SMAP1: variants seen among roughly 807,000 people sequenced by gnomAD.
SMAP1 encodes stromal membrane-associated protein 1.
SMAP1 carries 24 observed loss-of-function variants against 58.5 expected under a neutral mutation model. The observed-to-expected ratio is 0.41, with a 90% CI of 0.30 to 0.58. The LOEUF (loss-of-function observed/expected upper bound fraction) is 0.58, where lower values mean the gene tolerates loss of function less well. Among genes scored for constraint, SMAP1 ranks in the 20% least tolerant of loss-of-function variants. SMAP1 has a pLI of 0.29. For missense variants in SMAP1, 563 were observed against 566.3 expected, an observed-to-expected ratio of 0.99 and a Z score of 0.06; for synonymous variants, 216 against 196.6, an observed-to-expected ratio of 1.10 and a Z score of -0.82.
chr6:70,716,207 A>G (rs1278613611), intron 1 of SMAP1, among the ~76,000 whole-genome samples: 1 of 152,092 alleles, frequency 6.6e-6, no homozygotes, highest in African/African-American at 2.4e-5. Flanking sequence ...CTTTATTTCT[A>G]TTATTATTAT....
intron 6 of SMAP1, among the ~76,000 whole-genome samples, chr6:70,799,560 C>T (rs1319443017): frequency 6.6e-6 from 1 of 152,024 alleles, no homozygotes; most frequent in Non-Finnish European, 1.5e-5. Context: ...AGGGAGCATC[C>T]TTGATTTTAG....
chr6:70,789,592 C>T (rs1482612360), intron 4 of SMAP1, among the ~76,000 whole-genome samples: 9 of 135,660 alleles, frequency 6.6e-5, no homozygotes, highest in Non-Finnish European at 7.9e-5. Context: ...TTTCTTTTTT[C>T]TTTTTTTTTT....
At chr6:70,763,867 C>CA (rs1256577558) in intron 3 of SMAP1, among the ~76,000 whole-genome samples, 1 of 152,108 alleles carries the variant, frequency 6.6e-6, no homozygotes, top group Non-Finnish European at 1.5e-5. Context: ...GAGGAAGCCT[C>CA]AGATGAAAAG....
rs528056742 is a variant in SMAP1 at position 70,691,489 on chromosome 6, G to T, written c.118+23348G>T. Among the ~76,000 whole-genome samples, 32 of 152,102 alleles carry T rather than the reference G, an allele frequency of 2.1e-4. No homozygotes were observed. In the South Asian group the frequency reaches 6.6e-3, roughly 32 times the overall value. ...TATACTATTAGTTATTTTAAAATGT[G>T]TGATAAATTATTGTTGACTGTAATC... On this transcript the variant is annotated intron_variant, in intron 1 of 10. Transcript: ENST00000370455.
At chr6:70,825,942 A>T (rs1347539643) in intron 6 of SMAP1, among the ~76,000 whole-genome samples, 1 of 152,178 alleles carries the variant, frequency 6.6e-6, no homozygotes, top group Non-Finnish European at 1.5e-5. Context: ...GAACCAGATT[A>T]TGTTTGTGTC....
At chr6:70,712,136 T>C (rs567715198) in intron 1 of SMAP1, among the ~76,000 whole-genome samples, 40 of 152,240 alleles carry the variant, frequency 2.6e-4, no homozygotes, top group Admixed American at 1.2e-3. Flanking sequence ...GTTTTTATTA[T>C]GAAAAGATGT....
intron 1 of SMAP1, among the ~76,000 whole-genome samples, chr6:70,690,306 C>CT (rs1014369428): frequency 5.6e-4 from 83 of 148,482 alleles, no homozygotes; most frequent in South Asian, 8.6e-4. Flanking sequence ...TTTTTAAAAT[C>CT]TTTTTTTTTT....
At chr6:70,733,714 G>C (rs1765514892) in intron 2 of SMAP1, among the ~76,000 whole-genome samples, 1 of 152,194 alleles carries the variant, frequency 6.6e-6, no homozygotes, top group Non-Finnish European at 1.5e-5. Context: ...GTGAGGTGTA[G>C]CTTGACAGTA....
intron 1 of SMAP1, among the ~76,000 whole-genome samples, chr6:70,718,738 T>C (rs1225637857): frequency 1.3e-5 from 2 of 150,470 alleles, no homozygotes; most frequent in African/African-American, 4.9e-5. Context: ...GGAAAATCCC[T>C]TGAACCGGGA....
chr6:70,768,492 T>C (rs952860288), intron 3 of SMAP1, among the ~76,000 whole-genome samples: 1 of 152,228 alleles, frequency 6.6e-6, no homozygotes, highest in Non-Finnish European at 1.5e-5. Flanking sequence ...GGTGTATGTG[T>C]CGAGGAATTT....
At chr6:70,817,799 AG>A (rs1490981333) in intron 6 of SMAP1, among the ~76,000 whole-genome samples, 3 of 152,150 alleles carry the variant, frequency 2.0e-5, no homozygotes, top group Non-Finnish European at 4.4e-5. Flanking sequence ...AAAATCTGTA[AG>A]GGGCTAAAGG....
chr6:70,807,084 C>A (rs558896507), intron 6 of SMAP1, among the ~76,000 whole-genome samples: 101 of 152,194 alleles, frequency 6.6e-4, no homozygotes, highest in Non-Finnish European at 1.3e-3. Flanking sequence ...TCATATATAA[C>A]CTCATCCCAT....
intron 3 of SMAP1, among the ~76,000 whole-genome samples, chr6:70,772,085 G>A (rs1040259425): frequency 1.3e-5 from 2 of 152,140 alleles, no homozygotes; most frequent in African/African-American, 4.8e-5. Flanking sequence ...GAAATAACCT[G>A]ATGTGCATAT....
chr6:70,760,954 C>T (rs1361736849), intron 3 of SMAP1, among the ~76,000 whole-genome samples: 1 of 151,952 alleles, frequency 6.6e-6, no homozygotes, highest in African/African-American at 2.4e-5. Context: ...GATATTTTGT[C>T]TTATCTAAAA....
At chr6:70,846,806 G>T (rs138798851) in intron 7 of SMAP1, among the ~76,000 whole-genome samples, 23 of 152,278 alleles carry the variant, frequency 1.5e-4, no homozygotes, top group Admixed American at 3.3e-4. Context: ...ACCTGTTTCT[G>T]CCTGAGAACA....
At chr6:70,765,797 A>C (rs1427782616) in intron 3 of SMAP1, among the ~76,000 whole-genome samples, 2 of 151,918 alleles carry the variant, frequency 1.3e-5, no homozygotes, top group African/African-American at 2.4e-5. Flanking sequence ...CACAACGTGC[A>C]GGTTTGTTAC....
In SMAP1 at chr6:70,813,170, A is replaced by G. The variant is rs187258086; in HGVS notation, c.576+14433A>G. 3.2e-3 allele frequency among the ~76,000 whole-genome samples: 491 copies of G among 152,094 alleles called. 4 individuals carry two copies. Among genetic ancestry groups the G allele is most frequent in the African/African-American group, 0.011 (465 of 41,508 alleles). On this transcript the variant is annotated intron_variant, in intron 6 of 10. Coordinates refer to ENST00000370455, the MANE Select transcript of SMAP1 (RefSeq NM_001044305.3). ...ATTTAATGTTGTATTATAAGCATTT[A>G]TTTTACCTTTAATGGTAATGTGTTG...
intron 2 of SMAP1, among the ~76,000 whole-genome samples, chr6:70,751,383 A>T (rs1766269878): frequency 6.6e-6 from 1 of 152,198 alleles, no homozygotes; most frequent in Admixed American, 6.5e-5. Context: ...ATCATTTCTT[A>T]CTTTGTCAAG....
chr6:70,742,599 A>G (rs984589047), intron 2 of SMAP1, among the ~76,000 whole-genome samples: 5 of 152,086 alleles, frequency 3.3e-5, no homozygotes, highest in Non-Finnish European at 5.9e-5. Flanking sequence ...GAGCCCTCCA[A>G]ACTGTTCCAG....
Sources: gnomAD v4.1 joint callset for allele counts (sites outside exome capture counted in the v4.1 genomes callset) on GRCh38, gnomAD v4.1.1 for gene constraint, MANE v1.5 for transcripts, NCBI Gene and HGNC (gene_info 2026-07-23, HGNC 2026-07-21) for gene names.